TENM4: variants seen among roughly 807,000 people sequenced by gnomAD.
The protein encoded by TENM4 is teneurin-4.
TENM4 carries 82 observed loss-of-function variants against 243.3 expected under a neutral mutation model. The observed-to-expected ratio is 0.34, with a 90% CI of 0.28 to 0.40. TENM4 has a LOEUF of 0.40. Among genes scored for constraint, TENM4 ranks in the 10% least tolerant of loss-of-function variants. The pLI is 1.00. For missense variants in TENM4, 3,138 were observed against 3,673.3 expected (o/e 0.85, Z 3.77); for synonymous variants, 1,412 against 1,456.3 (o/e 0.97, Z 0.69).
At chr11:78,661,673 T>A in intron 32 of TENM4, 82 bp from the exon 33 acceptor site, 2 of 1,538,236 alleles carry the variant, frequency 1.3e-6, no homozygotes, top group Non-Finnish European at 8.8e-7. Context: ...AGCCTACAGT[T>A]AGCTGCAGGG....
At chr11:78,946,612 G>C (rs558675471) in intron 6 of TENM4, among the ~76,000 whole-genome samples, 2 of 152,214 alleles carry the variant, frequency 1.3e-5, no homozygotes, top group Non-Finnish European at 2.9e-5. Context: ...CATAGATAGT[G>C]ATTCCTCTGA....
chr11:79,118,978 C>G (rs796086653), intron 4 of TENM4, among the ~76,000 whole-genome samples: 1 of 151,774 alleles, frequency 6.6e-6, no homozygotes, highest in Non-Finnish European at 1.5e-5. Context: ...GAGGAATTGC[C>G]ATACTGTTTT....
At chr11:79,368,891 G>A (rs950521640) in intron 1 of TENM4, among the ~76,000 whole-genome samples, 3 of 152,150 alleles carry the variant, frequency 2.0e-5, no homozygotes, top group African/African-American at 4.8e-5. Context: ...GAGTCAATAC[G>A]TTCAGGAATG....
In TENM4 at chr11:78,653,221, C is replaced by T. The variant is rs962222041; in HGVS notation, c.*4837G>A. ...GCAGGGAAGTGCAAACCCAGGATGGCTCGGGGGCTGGGACAGGCAAGAGGA... is the reference window on the plus strand; with the variant it reads ...GCAGGGAAGTGCAAACCCAGGATGGTTCGGGGGCTGGGACAGGCAAGAGGA... On this transcript the variant is annotated 3_prime_UTR_variant, in exon 34 of 34. Transcript: ENST00000278550. The T allele has an allele frequency of 6.6e-6, 1 of 152,210 alleles. No individual in the cohort carries two copies. Among genetic ancestry groups the T allele is most frequent in the Non-Finnish European group, 1.5e-5 (1 of 68,056 alleles). The allele number at this position is 152,210 out of a possible 1,614,324, so 9.4% of individuals were successfully genotyped here.
chr11:79,232,112 AAAAC>A (rs1864384212), intron 2 of TENM4, among the ~76,000 whole-genome samples: 2 of 152,276 alleles, frequency 1.3e-5, no homozygotes, highest in African/African-American at 2.4e-5. Flanking sequence ...AAAACAAAAC[AAAAC>A]AAACAAAAAA....
intron 6 of TENM4, among the ~76,000 whole-genome samples, chr11:78,953,072 T>A (rs1857137026): frequency 6.6e-6 from 1 of 152,182 alleles, no homozygotes; most frequent in Non-Finnish European, 1.5e-5. Flanking sequence ...GTCATTTTCC[T>A]TTCCTTTCAA....
intron 14 of TENM4, among the ~76,000 whole-genome samples, chr11:78,807,072 C>A (rs903808127): frequency 6.6e-6 from 1 of 152,164 alleles, no homozygotes; most frequent in African/African-American, 2.4e-5. Context: ...TATGTTCATA[C>A]CTCATTTTGT....
At chr11:78,732,165 G>T (rs1855684140) in intron 21 of TENM4, 151 bp downstream of exon 21, 1 of 1,115,906 alleles carries the variant, frequency 9.0e-7, no homozygotes, top group Non-Finnish European at 1.2e-6. Flanking sequence ...CCTGCTGTGG[G>T]GTTTGGTGGC....
intron 4 of TENM4, among the ~76,000 whole-genome samples, chr11:79,147,207 G>T (rs1862410342): frequency 1.3e-5 from 2 of 152,074 alleles, no homozygotes; most frequent in South Asian, 4.1e-4. Context: ...AAACTTTACA[G>T]TTTACAAAAC....
chr11:79,041,651 T>G (rs1859535911), intron 6 of TENM4, among the ~76,000 whole-genome samples: 1 of 152,218 alleles, frequency 6.6e-6, no homozygotes, highest in African/African-American at 2.4e-5. Flanking sequence ...GGAAGCAGGC[T>G]CTTGTTTTGA....
intron 1 of TENM4, among the ~76,000 whole-genome samples, chr11:79,342,507 G>T (rs765324898): frequency 6.6e-6 from 1 of 152,104 alleles, no homozygotes; most frequent in East Asian, 1.9e-4. Context: ...AAGGAACTGC[G>T]TGGCCTCCCT....
At chr11:78,751,080 C>T (rs1216596554) in intron 19 of TENM4, among the ~76,000 whole-genome samples, 1 of 152,126 alleles carries the variant, frequency 6.6e-6, no homozygotes, top group Admixed American at 6.5e-5. Context: ...GGGGTTTTGC[C>T]ACATTGCCCA....
chr11:79,049,918 C>G (rs1047233494), intron 6 of TENM4, among the ~76,000 whole-genome samples: 1 of 152,216 alleles, frequency 6.6e-6, no homozygotes, highest in Non-Finnish European at 1.5e-5. Context: ...CGAACTTTGT[C>G]CCATGAACCT....
Position 78,656,800 on chromosome 11 carries a change from A to G in TENM4, c.*1258T>C. 2.6e-6 allele frequency: 1 copy of G among 385,172 alleles called. No homozygotes were observed. The highest frequency in any genetic ancestry group is 4.6e-6 in the Non-Finnish European group (1 of 218,036). 23.9% of individuals were successfully genotyped at this position (385,172 alleles called of 1,614,324 possible). On this transcript the variant is annotated 3_prime_UTR_variant, in exon 34 of 34. Transcript: ENST00000278550. ...GGGAAGCTGTTTCAGAACTTCAGGA[A>G]TTTCCTGGAAGCCCAGCCTGCCCCA... is the stretch of plus-strand genomic sequence containing the variant.
At chr11:79,318,248 C>A (rs190964075) in intron 1 of TENM4, among the ~76,000 whole-genome samples, 5 of 152,214 alleles carry the variant, frequency 3.3e-5, no homozygotes, top group African/African-American at 7.2e-5. Flanking sequence ...AAAAAGGCAC[C>A]AAGGCACTAT....
chr11:78,827,200 A>G (rs1335176024), intron 12 of TENM4, among the ~76,000 whole-genome samples: 1 of 152,254 alleles, frequency 6.6e-6, no homozygotes, highest in South Asian at 2.1e-4. Context: ...GAGTCTGTCT[A>G]TGTATAATCT....
At chr11:79,262,307 C>T (rs1035350702) in intron 2 of TENM4, among the ~76,000 whole-genome samples, 1 of 152,174 alleles carries the variant, frequency 6.6e-6, no homozygotes, top group Non-Finnish European at 1.5e-5. Flanking sequence ...TTTATGGGTG[C>T]TTTTCCTGTG....
chr11:79,224,994 T>C (rs192098511), intron 2 of TENM4, among the ~76,000 whole-genome samples: 23 of 150,838 alleles, frequency 1.5e-4, no homozygotes, highest in African/African-American at 5.6e-4. Context: ...CAGAGACAGA[T>C]ATACACACAG....
At chr11:78,762,158 C>T (rs1378752022) in intron 18 of TENM4, among the ~76,000 whole-genome samples, 2 of 152,168 alleles carry the variant, frequency 1.3e-5, no homozygotes, top group Non-Finnish European at 2.9e-5. Flanking sequence ...TAAAATGAAT[C>T]ATCAAACTTA....
Sources: gnomAD v4.1 joint callset for allele counts (sites outside exome capture counted in the v4.1 genomes callset) on GRCh38, gnomAD v4.1.1 for gene constraint, MANE v1.5 for transcripts, NCBI Gene and HGNC (gene_info 2026-07-23, HGNC 2026-07-21) for gene names.